Variants in CACNG3 observed in about 807,000 individuals in gnomAD.
CACNG3 encodes voltage-dependent calcium channel gamma-3 subunit.
In CACNG3, 3 loss-of-function variants were observed where a neutral mutation model predicts 28.5. That is an observed-to-expected ratio of 0.11 (90% confidence interval 0.05 to 0.27). The LOEUF (loss-of-function observed/expected upper bound fraction) is 0.27, where lower values mean the gene tolerates loss of function less well. CACNG3 is among the 10% of genes least tolerant of loss of function. The pLI, the probability that CACNG3 is intolerant of heterozygous loss-of-function variation, is 1.00. For synonymous variants in CACNG3, 174 were observed against 162.2 expected, an observed-to-expected ratio of 1.07 and a Z score of -0.55; for missense variants, 236 against 414.4, an observed-to-expected ratio of 0.57 and a Z score of 3.74.
At chr16:24,327,306 C>T (rs1899563782) in intron 1 of CACNG3, among the ~76,000 whole-genome samples, 1 of 150,764 alleles carries the variant, frequency 6.6e-6, no homozygotes, top group Non-Finnish European at 1.5e-5. Flanking sequence ...TGCCTGTAAT[C>T]CCAGCACTTT....
At chr16:24,264,611 C>T (rs1346215714) in intron 1 of CACNG3, among the ~76,000 whole-genome samples, 1 of 152,220 alleles carries the variant, frequency 6.6e-6, no homozygotes, top group Non-Finnish European at 1.5e-5. Context: ...CAGCCTCGCC[C>T]AGCTAAGTGA....
chr16:24,347,442 T>C (rs1380701489), intron 2 of CACNG3, among the ~76,000 whole-genome samples: 1 of 152,136 alleles, frequency 6.6e-6, no homozygotes, highest in African/African-American at 2.4e-5. Flanking sequence ...ACTGAAAGGT[T>C]CTTTTTAGTC....
chr16:24,283,653 CT>C (rs1314907072), intron 1 of CACNG3, among the ~76,000 whole-genome samples: 1 of 152,046 alleles, frequency 6.6e-6, no homozygotes, highest in Non-Finnish European at 1.5e-5. Flanking sequence ...TTTGCCTCCA[CT>C]TTTTTTTCTT....
chr16:24,351,838 T>C (rs1286029675), intron 2 of CACNG3, among the ~76,000 whole-genome samples: 1 of 143,804 alleles, frequency 7.0e-6, no homozygotes. Flanking sequence ...TCTCTTTTTT[T>C]TTTTTTTTTT....
intron 1 of CACNG3, among the ~76,000 whole-genome samples, chr16:24,269,254 A>G (rs1275655705): frequency 1.3e-5 from 2 of 152,244 alleles, no homozygotes; most frequent in African/African-American, 2.4e-5. Flanking sequence ...CAGATCTTCA[A>G]TAAATACACC....
In CACNG3 at chr16:24,293,917, C is replaced by T. The variant is rs193015472; in HGVS notation, c.211+36952C>T. Among the ~76,000 whole-genome samples the T allele has an allele frequency of 4.7e-3, 711 of 152,214 alleles. 14 individuals carry two copies. Among genetic ancestry groups the T allele is most frequent in the Admixed American group, 4.0e-3 (61 of 15,286 alleles). ...GAAAATATGGGTGAAAAAAAATAAG[C>T]CTTGAATCTTCTAGACCCACATATG... On this transcript the variant is annotated intron_variant, in intron 1 of 3. Coordinates refer to ENST00000005284, the MANE Select transcript of CACNG3 (RefSeq NM_006539.4).
chr16:24,261,902 A>G (rs1473769670), intron 1 of CACNG3, among the ~76,000 whole-genome samples: 2 of 152,200 alleles, frequency 1.3e-5, no homozygotes, highest in African/African-American at 4.8e-5. Flanking sequence ...TGTTGTCTGA[A>G]AACCTTCAGG....
chr16:24,352,111 A>G (rs1899956851), intron 2 of CACNG3, among the ~76,000 whole-genome samples: 1 of 152,068 alleles, frequency 6.6e-6, no homozygotes, highest in Non-Finnish European at 1.5e-5. Flanking sequence ...TCCTAGGCCC[A>G]CAGGTTAAAT....
chr16:24,341,550 G>T (rs557630708), intron 1 of CACNG3, among the ~76,000 whole-genome samples: 3 of 152,154 alleles, frequency 2.0e-5, no homozygotes, highest in Non-Finnish European at 1.5e-5. Context: ...AGCAACTGGC[G>T]TAATAACTGC....
chr16:24,312,924 A>G (rs201301181), intron 1 of CACNG3, among the ~76,000 whole-genome samples: 3,175 of 43,070 alleles, frequency 0.074, 108 homozygotes, highest in African/African-American at 0.14. Flanking sequence ...AGGAAGGAAG[A>G]AAGAAAGAAA....
intron 1 of CACNG3, among the ~76,000 whole-genome samples, chr16:24,296,256 A>G (rs1279377775): frequency 1.3e-5 from 2 of 152,134 alleles, no homozygotes; most frequent in East Asian, 1.9e-4. Context: ...TGCCCACACC[A>G]TGAACTAAGT....
intron 1 of CACNG3, among the ~76,000 whole-genome samples, chr16:24,328,046 C>A (rs1023993052): frequency 2.0e-5 from 3 of 152,076 alleles, no homozygotes; most frequent in African/African-American, 7.2e-5. Context: ...TGTGCCAGGT[C>A]CTGGGAAGAC....
chr16:24,360,195 C>T (rs1008560061), intron 3 of CACNG3, among the ~76,000 whole-genome samples: 4 of 152,152 alleles, frequency 2.6e-5, no homozygotes, highest in East Asian at 1.9e-4. Context: ...CAACAACCTC[C>T]ATGAGTCATT....
chr16:24,332,747 C>T (rs1221963510), intron 1 of CACNG3, among the ~76,000 whole-genome samples: 2 of 151,950 alleles, frequency 1.3e-5, no homozygotes, highest in Admixed American at 6.6e-5. Flanking sequence ...GCATTCATGA[C>T]CGGACCAGTT....
chr16:24,320,475 A>AT (rs1899441066), intron 1 of CACNG3, among the ~76,000 whole-genome samples: 1 of 152,122 alleles, frequency 6.6e-6, no homozygotes, highest in Non-Finnish European at 1.5e-5. Flanking sequence ...AGGAACTTTT[A>AT]TTTTTTTCAG....
chr16:24,360,627 C>T (rs776870986), intron 3 of CACNG3, among the ~76,000 whole-genome samples: 1 of 152,198 alleles, frequency 6.6e-6, no homozygotes, highest in Non-Finnish European at 1.5e-5. Flanking sequence ...TTTGGATTTT[C>T]CATAAGCACT....
chr16:24,291,102 G>A (rs1256620342), intron 1 of CACNG3, among the ~76,000 whole-genome samples: 1 of 152,150 alleles, frequency 6.6e-6, no homozygotes. Context: ...GCTGTAAATG[G>A]GCAAGATAAT....
intron 1 of CACNG3, among the ~76,000 whole-genome samples, chr16:24,284,450 G>A (rs1898868119): frequency 6.6e-6 from 1 of 151,954 alleles, no homozygotes; most frequent in Non-Finnish European, 1.5e-5. Context: ...TTTAGTCTAG[G>A]GTTAAATAGT....
intron 1 of CACNG3, among the ~76,000 whole-genome samples, chr16:24,340,050 G>A (rs570816028): frequency 1.3e-5 from 2 of 152,106 alleles, no homozygotes; most frequent in Non-Finnish European, 2.9e-5. Flanking sequence ...TGGGAAGATT[G>A]CTTGAGTCCA....
Sources: gnomAD v4.1 joint callset for allele counts (sites outside exome capture counted in the v4.1 genomes callset) on GRCh38, gnomAD v4.1.1 for gene constraint, MANE v1.5 for transcripts, NCBI Gene and HGNC (gene_info 2026-07-23, HGNC 2026-07-21) for gene names.